Variants in SLC22A25 observed in about 807,000 individuals in gnomAD.
SLC22A25 encodes MGI:2442751, MGI:2385316, MGI:3042283, MGI:3645714, MGI:3605624, MGI:2442750.
A neutral mutation model predicts 45.9 loss-of-function variants in SLC22A25; 44 were observed. That is an observed-to-expected ratio of 0.96 (90% CI 0.75 to 1.23). The LOEUF is 1.23. SLC22A25 is among the 50% of genes most tolerant of loss of function. SLC22A25 has a pLI of 0.00. For synonymous variants in SLC22A25, 283 were observed against 238.6 expected (o/e 1.19, Z -1.72); for missense variants, 800 against 666.4 (o/e 1.20, Z -2.21).
At chr11:63,225,032 G>C (rs1298052927) in intron 5 of SLC22A25, among the ~76,000 whole-genome samples, 1 of 152,190 alleles carries the variant, frequency 6.6e-6, no homozygotes, top group African/African-American at 2.4e-5. Context: ...CCAGGAGGCG[G>C]AGCTTGCAGT....
intron 3 of SLC22A25, among the ~76,000 whole-genome samples, chr11:63,231,652 T>C (rs993007713): frequency 5.9e-5 from 9 of 152,232 alleles, no homozygotes; most frequent in Admixed American, 2.0e-4. Flanking sequence ...TCTCATTTAA[T>C]TGGACCCCAT....
At chr11:63,195,200 C>G (rs900475073) in intron 7 of SLC22A25, among the ~76,000 whole-genome samples, 4 of 152,120 alleles carry the variant, frequency 2.6e-5, no homozygotes, top group African/African-American at 9.7e-5. Flanking sequence ...CTCAGTGAGA[C>G]AGAATGTTAA....
chr11:63,205,782 G>T (rs994941474), intron 7 of SLC22A25, among the ~76,000 whole-genome samples: 1 of 152,136 alleles, frequency 6.6e-6, no homozygotes, highest in Non-Finnish European at 1.5e-5. Flanking sequence ...GAATAAAAGG[G>T]ACTCTTCCCA....
intron 7 of SLC22A25, among the ~76,000 whole-genome samples, chr11:63,195,748 T>A (rs1372888852): frequency 6.6e-6 from 1 of 151,928 alleles, no homozygotes; most frequent in African/African-American, 2.4e-5. Flanking sequence ...AAGAAATAAC[T>A]AAGATCAGAG....
intron 8 of SLC22A25, among the ~76,000 whole-genome samples, chr11:63,183,135 G>T (rs2088390465): frequency 6.6e-6 from 1 of 152,050 alleles, no homozygotes; most frequent in Admixed American, 6.6e-5. Context: ...ACTCAGCCAT[G>T]CTTTAAAGCT....
intron 5 of SLC22A25, among the ~76,000 whole-genome samples, chr11:63,219,197 A>C (rs2089793367): frequency 6.6e-6 from 1 of 152,198 alleles, no homozygotes. Flanking sequence ...TATAAACCAT[A>C]AAATATTGCA....
At chr11:63,219,838 T>C (rs1021469405) in intron 5 of SLC22A25, 1 of 1,032,476 alleles carries the variant, frequency 9.7e-7, no homozygotes, top group Admixed American at 2.3e-5. Context: ...CCCAGAGAGC[T>C]GGGTTACTGG....
At chr11:63,199,729 G>A (rs994835012) in intron 7 of SLC22A25, among the ~76,000 whole-genome samples, 3 of 151,822 alleles carry the variant, frequency 2.0e-5, no homozygotes, top group Middle Eastern at 3.4e-3. Context: ...AGGCATTGTG[G>A]GTTGCAAAAA....
intron 9 of SLC22A25, among the ~76,000 whole-genome samples, chr11:63,168,421 T>C (rs1003887634): frequency 6.6e-6 from 1 of 152,044 alleles, no homozygotes; most frequent in Non-Finnish European, 1.5e-5. Context: ...AGAACCTTAA[T>C]AGAAGGTTGC....
chr11:63,231,447 T>G (rs1391404062), intron 3 of SLC22A25, among the ~76,000 whole-genome samples: 1 of 152,264 alleles, frequency 6.6e-6, no homozygotes, highest in African/African-American at 2.4e-5. Context: ...CATAAATGTC[T>G]TCTTTTGAGA....
intron 7 of SLC22A25, among the ~76,000 whole-genome samples, chr11:63,213,628 A>T (rs898097660): frequency 2.0e-5 from 3 of 152,182 alleles, no homozygotes; most frequent in African/African-American, 7.2e-5. Flanking sequence ...CTTCTGTGTG[A>T]AAATCCCCAG....
intron 3 of SLC22A25, among the ~76,000 whole-genome samples, chr11:63,234,963 GC>G (rs551984768): frequency 5.9e-5 from 9 of 152,028 alleles, no homozygotes; most frequent in Admixed American, 2.0e-4. Flanking sequence ...TCGAATATTG[GC>G]CCCCCCTCTC....
At chr11:63,171,376 C>CTT (rs2087878675) in intron 9 of SLC22A25, among the ~76,000 whole-genome samples, 1 of 151,072 alleles carries the variant, frequency 6.6e-6, no homozygotes, top group Non-Finnish European at 1.5e-5. Flanking sequence ...CAAATTGTCT[C>CTT]TGCAGATGAC....
At chr11:63,231,617 A>G (rs945201721) in intron 3 of SLC22A25, among the ~76,000 whole-genome samples, 2 of 152,110 alleles carry the variant, frequency 1.3e-5, no homozygotes, top group Admixed American at 6.5e-5. Flanking sequence ...CTCTGATGGT[A>G]GTTTCTTTTG....
At position 63,229,467 on chromosome 11, in the gene SLC22A25, A is replaced by T; in HGVS notation, c.186T>A (p.Asn62Lys). The change falls in exon 4 of 12, where the codon AAT becomes AAA. Residue 62 changes from asparagine (N) to lysine (K), a missense_variant. Asn to Lys is a moderately conservative substitution (Grantham distance 94). Coordinates refer to ENST00000306494, the MANE Select transcript of SLC22A25 (RefSeq NM_199352.6). Reference sequence around the variant, plus strand: ...CATCCTGGCTGAGGGTCCCAGGGTCATTGTCAGGGATAGTGTCATTGTCCA... The same window carrying T: ...CATCCTGGCTGAGGGTCCCAGGGTCTTTGTCAGGGATAGTGTCATTGTCCA... Reference protein sequence around the residue: ...HILDNDTIPDNDPGTLSQDAL... With the variant: ...HILDNDTIPDKDPGTLSQDAL... 2 of 1,614,130 alleles carry T rather than the reference A, an allele frequency of 1.2e-6. No individual in the cohort carries two copies. The highest frequency in any genetic ancestry group is 2.2e-5 in the South Asian group (2 of 91,088).
At chr11:63,215,011 G>T (rs2089674016) in intron 7 of SLC22A25, among the ~76,000 whole-genome samples, 2 of 152,134 alleles carry the variant, frequency 1.3e-5, no homozygotes, top group Non-Finnish European at 2.9e-5. Flanking sequence ...AACCATTGTG[G>T]AAGACAGTGT....
chr11:63,210,574 G>C (rs956079631), intron 7 of SLC22A25, among the ~76,000 whole-genome samples: 1 of 152,172 alleles, frequency 6.6e-6, no homozygotes, highest in Admixed American at 6.5e-5. Context: ...ATGTCTGAAA[G>C]GCAGATCCTG....
At chr11:63,220,724 AT>A (rs1349927556) in intron 5 of SLC22A25, among the ~76,000 whole-genome samples, 1 of 151,796 alleles carries the variant, frequency 6.6e-6, no homozygotes, top group Non-Finnish European at 1.5e-5. Flanking sequence ...CATTCTTTCC[AT>A]TTTTTTGTGT....
chr11:63,232,162 G>C (rs372361815), intron 3 of SLC22A25, among the ~76,000 whole-genome samples: 2 of 152,030 alleles, frequency 1.3e-5, no homozygotes, highest in South Asian at 2.1e-4. Context: ...TTTTCCAATT[G>C]TGTGAAGAAA....
Sources: gnomAD v4.1 joint callset for allele counts (sites outside exome capture counted in the v4.1 genomes callset) on GRCh38, gnomAD v4.1.1 for gene constraint, MANE v1.5 for transcripts, NCBI Gene and HGNC (gene_info 2026-07-23, HGNC 2026-07-21) for gene names.